VWDE: variants seen among roughly 807,000 people sequenced by gnomAD.
VWDE encodes von Willebrand factor D and EGF domain-containing protein.
Under a neutral mutation model 178.4 loss-of-function variants are expected in VWDE, and 207 were observed. The ratio of observed to expected loss-of-function variants is 1.16; its 90% CI spans 1.04 to 1.30. VWDE has a LOEUF of 1.30. Among genes scored for constraint, VWDE ranks in the 50% most tolerant of loss-of-function variants. VWDE has a pLI of 0.00. For missense variants in VWDE, 2,287 were observed against 1,901.3 expected (o/e 1.20, Z -3.77); for synonymous variants, 738 against 651.4 (o/e 1.13, Z -2.02).
At position 12,398,841 on chromosome 7, in the gene VWDE, T is replaced by C. The variant is rs111800215; in HGVS notation, c.58+4818A>G. Among the ~76,000 whole-genome samples, 21 of 151,954 alleles carry C rather than the reference T, an allele frequency of 1.4e-4. 1 individual carries two copies. The highest frequency in any genetic ancestry group is 3.3e-4 in the Admixed American group (5 of 15,250). On this transcript the variant is annotated intron_variant, in intron 1 of 28. Coordinates refer to ENST00000275358, the MANE Select transcript of VWDE (RefSeq NM_001135924.3). ...CTCGCTTATAAGGGCAAGCTAAACA[T>C]TGGGTACCCACAGACATAAAGATGG... is the stretch of plus-strand genomic sequence containing the variant.
intron 28 of VWDE, among the ~76,000 whole-genome samples, chr7:12,332,176 C>T (rs1229714814): frequency 2.0e-5 from 2 of 99,434 alleles, no homozygotes; most frequent in Non-Finnish European, 3.8e-5. Flanking sequence ...AAAGAAATAT[C>T]GAAAGCAAGT....
chr7:12,346,335 G>A (rs1781596702), intron 19 of VWDE, among the ~76,000 whole-genome samples: 1 of 152,120 alleles, frequency 6.6e-6, no homozygotes, highest in South Asian at 2.1e-4. Context: ...ATAGAGACAT[G>A]TGAGCCATTC....
In VWDE at chr7:12,357,513, T is replaced by C. The variant is rs928983526; in HGVS notation, c.3277A>G (p.Asn1093Asp). 1 of 1,552,046 alleles carries C rather than the reference T, an allele frequency of 6.4e-7. No individual in the cohort carries two copies. The highest frequency in any genetic ancestry group is 2.4e-5 in the East Asian group (1 of 40,902). ...AATGCTTGAATCACTGGGGGCTGGT[T>C]GTCTGTAATAGAGAAAACACTTAAC... ...SRFTWSFLEN[N>D]QPPVIQALQD... The change falls in exon 17 of 29, where the codon AAC becomes GAC. Residue 1093 changes from asparagine (N) to aspartate (D), a missense_variant and splice_region_variant. Coordinates refer to ENST00000275358, the MANE Select transcript of VWDE (RefSeq NM_001135924.3).
chr7:12,403,566 G>T, intron 1 of VWDE, 93 bp downstream of exon 1: 1 of 1,238,694 alleles, frequency 8.1e-7, no homozygotes, highest in Non-Finnish European at 1.1e-6. Flanking sequence ...GCACAGGGAC[G>T]CTCCCCAAGT....
rs1181363319 is a variant in VWDE at position 12,375,106 on chromosome 7, A to T, written c.1146T>A (p.Asp382Glu). The change falls in exon 8 of 29, where the codon GAT becomes GAA. Residue 382 changes from aspartate (D) to glutamate (E), a missense_variant. Physicochemically the swap from Asp to Glu is conservative, Grantham distance 45. Coordinates refer to ENST00000275358, the MANE Select transcript of VWDE (RefSeq NM_001135924.3). ...HTFVYYTAVTDFSRDGDRVSN... is the reference protein window; with the variant it reads ...HTFVYYTAVTEFSRDGDRVSN... ...AGACTCTATCTCCATCTCGAGAAAAATCTGTGACAGCAGTGTAGTACACAA... is the reference window on the plus strand; with the variant it reads ...AGACTCTATCTCCATCTCGAGAAAATTCTGTGACAGCAGTGTAGTACACAA... 2.6e-6 allele frequency: 4 copies of T among 1,551,268 alleles called. No individual in the cohort carries two copies. The Admixed American group carries it at 7.8e-5, about 30-fold the overall frequency.
At position 12,361,463 on chromosome 7, in the gene VWDE, T is replaced by C. The variant is rs2053379; in HGVS notation, c.2957A>G (p.Asn986Ser). ...CAGCTGACAATCAACAGCTCTGCTA[T>C]TGTGGAAAACAGTCTGTGTATAGAT... ...EPIYTQTVFHNSRAVDCQLPT... is the reference protein window; with the variant it reads ...EPIYTQTVFHSSRAVDCQLPT... Residue 986 changes from asparagine (N) to serine (S), a missense_variant, in exon 14 of 29, where the codon AAT (asparagine) becomes AGT (serine). Coordinates refer to ENST00000275358, the MANE Select transcript of VWDE (RefSeq NM_001135924.3). 457 of 1,551,282 alleles carry C rather than the reference T, an allele frequency of 2.9e-4. 2 individuals carry two copies. The African/African-American group carries it at 5.6e-3, about 19-fold the overall frequency.
At position 12,340,355 on chromosome 7, in the gene VWDE, G is replaced by C; in HGVS notation, c.4333C>G (p.Pro1445Ala). ...SCNKPNTCLC[P>A]NGFFGEHCQN... ...CAGTGTTCCCCAAAGAATCCATTTG[G>C]ACAGAGGCAAGTATTTGGCTTATTA... The change falls in exon 24 of 29, where the codon CCA becomes GCA. Residue 1445 changes from proline to alanine, a missense_variant. Physicochemically the swap from Pro to Ala is conservative, Grantham distance 27. Transcript: ENST00000275358. 6.4e-7 allele frequency: 1 copy of C among 1,551,424 alleles called. No individual in the cohort carries two copies.
intron 3 of VWDE, 104 bp from the exon 4 acceptor site, chr7:12,383,705 A>T (rs1431841784): frequency 1.0e-6 from 1 of 962,150 alleles, no homozygotes; most frequent in African/African-American, 1.7e-5. Flanking sequence ...AATACAGACT[A>T]AGACTTTCTT....
chr7:12,395,655 T>A (rs1041350071), intron 1 of VWDE, among the ~76,000 whole-genome samples: 1 of 152,178 alleles, frequency 6.6e-6, no homozygotes, highest in East Asian at 1.9e-4. Flanking sequence ...TTTAAATTCA[T>A]ATATTTTATA....
intron 13 of VWDE, 36 bp downstream of exon 13, chr7:12,367,321 A>T: frequency 6.7e-7 from 1 of 1,481,616 alleles, no homozygotes. Context: ...AGTATCTCAT[A>T]CACTCTATTG....
chr7:12,342,679 G>T (rs190034771), intron 22 of VWDE, among the ~76,000 whole-genome samples: 2,591 of 149,620 alleles, frequency 0.017, 66 homozygotes, highest in African/African-American at 0.06. Flanking sequence ...CTATTATTAT[G>T]ATTATTATTA....
At chr7:12,334,581 A>G (rs1780912413) in intron 27 of VWDE, among the ~76,000 whole-genome samples, 4 of 152,242 alleles carry the variant, frequency 2.6e-5, no homozygotes, top group Admixed American at 2.6e-4. Context: ...CAATTTTCCA[A>G]CAGATGGTAG....
In VWDE at chr7:12,344,290, G is replaced by A. The variant is rs1781487106; in HGVS notation, c.3983C>T (p.Ala1328Val). The A allele has an allele frequency of 1.3e-6, 2 of 1,550,952 alleles. No homozygotes were observed. Among genetic ancestry groups the A allele is most frequent in the Non-Finnish European group, 1.7e-6 (2 of 1,146,524 alleles). Residue 1328 changes from alanine (A) to valine (V), a missense_variant and splice_region_variant, in exon 21 of 29, where the codon GCT becomes GTT. Ala to Val is a moderately conservative substitution (Grantham distance 64). Transcript: ENST00000275358. ...GTTTTTGCAATCAGGGTCACAAAGA[G>A]CTGTATAAAATAAAGCCCAAGTTTT... ...PGYIGSNCQT[A>V]LCDPDCKNHG...
chr7:12,376,518 A>C (rs1410056709), intron 7 of VWDE, among the ~76,000 whole-genome samples: 1 of 152,160 alleles, frequency 6.6e-6, no homozygotes, highest in Non-Finnish European at 1.5e-5. Context: ...TGTTGAAAGA[A>C]TTGAAAGCAT....
chr7:12,377,036 T>C (rs976440983), intron 7 of VWDE, among the ~76,000 whole-genome samples: 1 of 152,146 alleles, frequency 6.6e-6, no homozygotes, highest in African/African-American at 2.4e-5. Flanking sequence ...ATGTATGTGG[T>C]ATGCCAATGA....
At chr7:12,335,289 C>A (rs1373740561) in intron 27 of VWDE, among the ~76,000 whole-genome samples, 3 of 151,998 alleles carry the variant, frequency 2.0e-5, no homozygotes, top group East Asian at 1.9e-4. Flanking sequence ...TTTCAAGTTT[C>A]CACAAAAAAT....
chr7:12,331,362 G>T (rs1327385282), intron 28 of VWDE, among the ~76,000 whole-genome samples, 165 bp from the exon 29 acceptor site: 1 of 152,016 alleles, frequency 6.6e-6, no homozygotes, highest in African/African-American at 2.4e-5. Context: ...ATCAAATCAA[G>T]ATCATACTTA....
chr7:12,354,155 C>G (rs975337081), intron 18 of VWDE: 1 of 231,166 alleles, frequency 4.3e-6, no homozygotes, highest in Non-Finnish European at 8.6e-6. Flanking sequence ...TAGTCATATT[C>G]CCTGCTGTTA....
chr7:12,361,475 G>A lies in VWDE; in HGVS notation c.2945C>T (p.Thr982Ile). The change falls in exon 14 of 29, where the codon ACT (threonine) becomes ATT (isoleucine). Residue 982 changes from threonine to isoleucine, a missense_variant. Transcript: ENST00000275358. ...WMPGEPIYTQ[T>I]VFHNSRAVDC... is the part of the protein sequence containing the mutation. ...AACAGCTCTGCTATTGTGGAAAACA[G>A]TCTGTGTATAGATGGGTTCTCCAGG... The A allele has an allele frequency of 1.3e-6, 2 of 1,551,232 alleles. No homozygotes were observed. The highest frequency in any genetic ancestry group is 1.2e-5 in the South Asian group (1 of 84,046).
Sources: allele counts gnomAD v4.1 joint callset (sites outside exome capture counted in the v4.1 genomes callset), GRCh38; gene constraint gnomAD v4.1.1; transcripts MANE v1.5; gene names NCBI Gene and HGNC (gene_info 2026-07-23, HGNC 2026-07-21).